TNFRSF18: variants seen among roughly 807,000 people sequenced by gnomAD.
TNFRSF18 encodes TNF receptor superfamily member 18.
A neutral mutation model predicts 30.2 loss-of-function variants in TNFRSF18; 36 were observed. That is an observed-to-expected ratio of 1.19 (90% CI 0.91 to 1.58). The LOEUF (loss-of-function observed/expected upper bound fraction) is 1.58, where lower values mean the gene tolerates loss of function less well. Among genes scored for constraint, TNFRSF18 ranks in the 40% most tolerant of loss-of-function variants. The pLI, the probability that TNFRSF18 is intolerant of heterozygous loss-of-function variation, is 0.00. For synonymous variants in TNFRSF18, 173 were observed against 158.3 expected (o/e 1.09, Z -0.70); for missense variants, 369 against 345.4 (o/e 1.07, Z -0.54).
In TNFRSF18 at chr1:1,205,505, C is replaced by T. The variant is rs1271034237; in HGVS notation, c.188-13G>A. ...CAGCACTCCTCGCCTGGGCAGGAGA[C>T]AGGCCAGCCCCCCAGCAGCTGGGCT... is the stretch of plus-strand genomic sequence containing the variant. On this transcript the variant is annotated splice_polypyrimidine_tract_variant and intron_variant, in intron 1 of 4. Coordinates refer to ENST00000379268, the MANE Select transcript of TNFRSF18 (RefSeq NM_004195.3). The T allele has an allele frequency of 3.1e-6, 5 of 1,607,826 alleles. No homozygotes were observed. Among genetic ancestry groups the T allele is most frequent in the Middle Eastern group, 1.7e-4 (1 of 6,054 alleles).
chr1:1,204,041 C>A lies in TNFRSF18; in HGVS notation c.594G>T (p.Trp198Cys), dbSNP rs1281255519. 6.2e-7 allele frequency: 1 copy of A among 1,606,402 alleles called. No homozygotes were observed. Among genetic ancestry groups the A allele is most frequent in the South Asian group, 1.1e-5 (1 of 90,006 alleles). Reference protein sequence around the residue: ...HIWQLRSQCMWPRETQLLLEV... With the variant: ...HIWQLRSQCMCPRETQLLLEV... ...CACCAGGCTGTGACAGACCTCGGGG[C>A]CACATGCACTGACTCCTCAGCTGCC... Residue 198 changes from tryptophan to cysteine, a missense_variant, in exon 4 of 5, where the codon TGG becomes TGT. Trp to Cys is a radical substitution (Grantham distance 215). Coordinates refer to ENST00000379268, the MANE Select transcript of TNFRSF18 (RefSeq NM_004195.3).
rs1648773674 is a variant in TNFRSF18 at position 1,205,465 on chromosome 1, C to G, written c.215G>C (p.Cys72Ser). 3 of 1,612,506 alleles carry G rather than the reference C, an allele frequency of 1.9e-6. No homozygotes were observed. The highest frequency in any genetic ancestry group is 2.5e-6 in the Non-Finnish European group (3 of 1,179,756). The change falls in exon 2 of 5, where the codon TGC becomes TCC. Residue 72 changes from cysteine (C) to serine (S), a missense_variant. Transcript: ENST00000379268. Reference protein sequence around the residue: ...PGEECCSEWDCMCVQPEFHCG... With the variant: ...PGEECCSEWDSMCVQPEFHCG... ...GTGGAATTCAGGCTGGACACACATGCAGTCCCACTCGGAACAGCACTCCTC... is the reference window on the plus strand; with the variant it reads ...GTGGAATTCAGGCTGGACACACATGGAGTCCCACTCGGAACAGCACTCCTC...
Position 1,204,059 on chromosome 1 carries a change from C to T in TNFRSF18, c.576G>A (p.Leu192=), listed in dbSNP as rs1194827057. 6.2e-7 allele frequency: 1 copy of T among 1,605,712 alleles called. No homozygotes were observed. Among genetic ancestry groups the T allele is most frequent in the Non-Finnish European group, 8.5e-7 (1 of 1,176,920 alleles). Residue 192 remains leucine (L), a synonymous_variant, in exon 4 of 5, where the codon CTG becomes CTA. Coordinates refer to ENST00000379268, the MANE Select transcript of TNFRSF18 (RefSeq NM_004195.3). The part of the protein sequence containing the change: ...SAQLGLHIWQ[L]RSQCMWPRET... ...CTCGGGGCCACATGCACTGACTCCT[C>T]AGCTGCCAGATGTGCAGTCCAAGCT...
intron 1 of TNFRSF18, among the ~76,000 whole-genome samples, chr1:1,206,179 C>T (rs1444541751): frequency 2.0e-5 from 3 of 152,210 alleles, no homozygotes; most frequent in Non-Finnish European, 4.4e-5. Flanking sequence ...TGCTCCCGGC[C>T]GGGGCCACTG....
At chr1:1,205,560 G>T in intron 1 of TNFRSF18, 68 bp from the exon 2 acceptor site, 1 of 1,548,238 alleles carries the variant, frequency 6.5e-7, no homozygotes. Context: ...GCCTCCCCTC[G>T]GCCCTCCAGG....
rs768224024 is a variant in TNFRSF18 at position 1,203,613 on chromosome 1, C to T, written c.*231G>A. Reference sequence around the variant, plus strand: ...GTCCTAAGACCCCACCCCATCAGGGCCAGCAAGGGAGGAAGGGGGCCATGA... The same window carrying T: ...GTCCTAAGACCCCACCCCATCAGGGTCAGCAAGGGAGGAAGGGGGCCATGA... On this transcript the variant is annotated 3_prime_UTR_variant, in exon 5 of 5. Transcript: ENST00000379268. 1.3e-6 allele frequency: 2 copies of T among 1,528,482 alleles called. No individual in the cohort carries two copies. The highest frequency in any genetic ancestry group is 8.7e-7 in the Non-Finnish European group (1 of 1,146,688). The allele number at this position is 1,528,482 out of a possible 1,614,324, so 94.7% of individuals were successfully genotyped here.
At chr1:1,206,313 G>C in intron 1 of TNFRSF18, 72 bp downstream of exon 1, 5 of 1,500,862 alleles carry the variant, frequency 3.3e-6, no homozygotes, top group Non-Finnish European at 4.5e-6. Context: ...CACGGGAAGG[G>C]GGGCGCCCAC....
rs71578307 is a variant in TNFRSF18, at chr1:1,203,619, AG to A, written c.*224del. On this transcript the variant is annotated 3_prime_UTR_variant, in exon 5 of 5. Transcript: ENST00000379268. ...AGACCCCACCCCATCAGGGCCAGCA[AG>A]GGAGGAAGGGGGCCATGACTGTGTC... is the stretch of plus-strand genomic sequence containing the variant. 6.5e-7 allele frequency: 1 copy of A among 1,531,018 alleles called. No individual in the cohort carries two copies. The highest frequency in any genetic ancestry group is 2.3e-5 in the East Asian group (1 of 44,150). 94.8% of individuals were successfully genotyped at this position (1,531,018 alleles called of 1,614,324 possible).
intron 1 of TNFRSF18, chr1:1,205,729 T>C: frequency 1.8e-6 from 1 of 543,070 alleles, no homozygotes; most frequent in Non-Finnish European, 3.3e-6. Flanking sequence ...CCTGCCCAGG[T>C]GCTAACTCCA....
intron 2 of TNFRSF18, 120 bp from the exon 3 acceptor site, chr1:1,204,606 C>T (rs1297413296): frequency 6.8e-6 from 5 of 730,450 alleles, no homozygotes; most frequent in Non-Finnish European, 9.7e-6. Context: ...TAGAATGCCC[C>T]CCCCATCATC....
At position 1,206,578 on chromosome 1, in the gene TNFRSF18, G is replaced by T; in HGVS notation, c.-7C>A. On this transcript the variant is annotated 5_prime_UTR_variant, in exon 1 of 5. Transcript: ENST00000379268. ...TCGCCCCGTGCTGTGCCATGCTCGG[G>T]TTTCAAGAGCCCACAGCCAGTTGGA... 1 of 1,485,350 alleles carries T rather than the reference G, an allele frequency of 6.7e-7. No individual in the cohort carries two copies. The highest frequency in any genetic ancestry group is 8.9e-7 in the Non-Finnish European group (1 of 1,123,344). The allele number at this position is 1,485,350 out of a possible 1,614,324, so 92.0% of individuals were successfully genotyped here.
In TNFRSF18 at chr1:1,206,443, C is replaced by T. The variant is rs777595995; in HGVS notation, c.129G>A (p.Thr43=). ...CCCGGCAGCAGCGCGCGTCCGTTCC[C>T]GTCCCAAGCAGGAGGCGCCCAGGGC... ...GCGPGRLLLG[T]GTDARCCRVH... The change falls in exon 1 of 5, where the codon ACG becomes ACA. Residue 43 remains threonine, a synonymous_variant. Coordinates refer to ENST00000379268, the MANE Select transcript of TNFRSF18 (RefSeq NM_004195.3). 35 of 1,547,362 alleles carry T rather than the reference C, an allele frequency of 2.3e-5. No homozygotes were observed. Among genetic ancestry groups the T allele is most frequent in the East Asian group, 1.5e-4 (6 of 40,826 alleles).
rs1227971461 is a variant in TNFRSF18, at chr1:1,203,792, A to G, written c.*52T>C. ...AACGCAGAGCCCCTGCGGCCTGGGGAGCTCCTGGGGAGGGGCTGGCTGCGG... is the reference window on the plus strand; with the variant it reads ...AACGCAGAGCCCCTGCGGCCTGGGGGGCTCCTGGGGAGGGGCTGGCTGCGG... On this transcript the variant is annotated 3_prime_UTR_variant, in exon 5 of 5. Transcript: ENST00000379268. The G allele has an allele frequency of 6.4e-7, 1 of 1,571,468 alleles. No homozygotes were observed. The highest frequency in any genetic ancestry group is 8.6e-7 in the Non-Finnish European group (1 of 1,164,838).
chr1:1,203,994 C>T, intron 4 of TNFRSF18, 26 bp from the exon 5 acceptor site: 1 of 1,606,736 alleles, frequency 6.2e-7, no homozygotes. Flanking sequence ...GGTCAGCAGG[C>T]AGCCATGCTC....
In TNFRSF18 at chr1:1,205,285, G is replaced by A. The variant is rs935136468; in HGVS notation, c.310+85C>T. The stretch of plus-strand genomic sequence containing the variant: ...ACCCCACACACCACATGTCCTCGCC[G>A]GACACCTGTGCCCACGAGCTCTGCC... On this transcript the variant is annotated intron_variant, in intron 2 of 4. Coordinates refer to ENST00000379268, the MANE Select transcript of TNFRSF18 (RefSeq NM_004195.3). 125 of 1,547,286 alleles carry A rather than the reference G, an allele frequency of 8.1e-5. No individual in the cohort carries two copies. In the South Asian group the frequency reaches 8.6e-4, roughly 11 times the overall value.
chr1:1,205,054 T>C (rs1483503879), intron 2 of TNFRSF18, among the ~76,000 whole-genome samples: 1 of 152,116 alleles, frequency 6.6e-6, no homozygotes, highest in Non-Finnish European at 1.5e-5. Context: ...TCTTTCAGTA[T>C]GTGGTGAGGA....
At position 1,204,166 on chromosome 1, in the gene TNFRSF18, A is replaced by G. The variant is rs745572898; in HGVS notation, c.469T>C (p.Ser157Pro). The part of the protein sequence containing the change: ...KTHNAVCVPG[S>P]PPAEPLGWLT... ...CACCCAAGCGGCTCTGCCGGCGGGG[A>G]CCCTGGGACGCACACAGCGTTGTGG... The change falls in exon 4 of 5, where the codon TCC (serine) becomes CCC (proline). Residue 157 changes from serine to proline, a missense_variant. Physicochemically the swap from Ser to Pro is moderately conservative, Grantham distance 74. Transcript: ENST00000379268. 6.8e-6 allele frequency: 11 copies of G among 1,611,444 alleles called. No homozygotes were observed. Among genetic ancestry groups the G allele is most frequent in the Non-Finnish European group, 9.3e-6 (11 of 1,179,512 alleles).
chr1:1,203,801 G>T lies in TNFRSF18; in HGVS notation c.*43C>A. 1 of 1,574,502 alleles carries T rather than the reference G, an allele frequency of 6.4e-7. No individual in the cohort carries two copies. Among genetic ancestry groups the T allele is most frequent in the Non-Finnish European group, 8.6e-7 (1 of 1,166,466 alleles). Reference sequence around the variant, plus strand: ...CCCCTGCGGCCTGGGGAGCTCCTGGGGAGGGGCTGGCTGCGGTCGGTGGCC... The same window carrying T: ...CCCCTGCGGCCTGGGGAGCTCCTGGTGAGGGGCTGGCTGCGGTCGGTGGCC... On this transcript the variant is annotated 3_prime_UTR_variant, in exon 5 of 5. Coordinates refer to ENST00000379268, the MANE Select transcript of TNFRSF18 (RefSeq NM_004195.3).
rs200680636 is a variant in TNFRSF18 at position 1,204,485 on chromosome 1, C to T, written c.312G>A (p.Gly104=). Residue 104 remains glycine, a splice_region_variant and synonymous_variant, in exon 3 of 5, where the codon GGG becomes GGA. Coordinates refer to ENST00000379268, the MANE Select transcript of TNFRSF18 (RefSeq NM_004195.3). ...TACACTGGAAGCCAAAACTGAATTTCCCTGGTGTGGGGTGTGGGGGGAGGG... is the reference window on the plus strand; with the variant it reads ...TACACTGGAAGCCAAAACTGAATTTTCCTGGTGTGGGGTGTGGGGGGAGGG... The part of the protein sequence containing the change: ...CPPGQGVQSQ[G]KFSFGFQCID... 2.0e-4 allele frequency: 330 copies of T among 1,611,592 alleles called. 1 individual carries two copies. The Middle Eastern group carries it at 4.4e-3, about 21-fold the overall frequency.
Sources: allele counts gnomAD v4.1 joint callset (sites outside exome capture counted in the v4.1 genomes callset), GRCh38; gene constraint gnomAD v4.1.1; transcripts MANE v1.5; gene names NCBI Gene and HGNC (gene_info 2026-07-23, HGNC 2026-07-21).